Variants in CCDC7 observed in about 807,000 individuals in gnomAD.
The protein encoded by CCDC7 is coiled-coil domain-containing protein 7.
A neutral mutation model predicts 196.9 loss-of-function variants in CCDC7; 183 were observed. That is an observed-to-expected ratio of 0.93 (90% CI 0.82 to 1.05). The LOEUF (loss-of-function observed/expected upper bound fraction) is 1.05, where lower values mean the gene tolerates loss of function less well. Ranked by LOEUF, CCDC7 falls within the 50% of genes least tolerant of loss-of-function variation. The pLI is 0.00. For missense variants in CCDC7, 1,540 were observed against 1,482.2 expected, an observed-to-expected ratio of 1.04 and a Z score of -0.64; for synonymous variants, 525 against 484.6, an observed-to-expected ratio of 1.08 and a Z score of -1.10.
intron 41 of CCDC7, among the ~76,000 whole-genome samples, chr10:32,869,329 G>A (rs2094335060): frequency 6.6e-6 from 1 of 152,090 alleles, no homozygotes; most frequent in African/African-American, 2.4e-5. Context: ...GTGATAATGA[G>A]CATTTTTTCA....
intron 28 of CCDC7, among the ~76,000 whole-genome samples, chr10:32,773,106 T>C (rs1360244751): frequency 1.3e-5 from 2 of 152,226 alleles, no homozygotes; most frequent in Non-Finnish European, 2.9e-5. Context: ...ACTTTTAATA[T>C]TCTGTCCTTA....
chr10:32,540,002 C>T (rs1440766179), intron 11 of CCDC7, among the ~76,000 whole-genome samples: 1 of 151,948 alleles, frequency 6.6e-6, no homozygotes, highest in Admixed American at 6.6e-5. Context: ...TGGGTGGAGA[C>T]TTGTGTAGTG....
intron 8 of CCDC7, among the ~76,000 whole-genome samples, chr10:32,482,831 TC>T (rs1484172816): frequency 6.6e-6 from 1 of 152,202 alleles, no homozygotes; most frequent in Non-Finnish European, 1.5e-5. Context: ...CATGAACTCA[TC>T]CTTTTTTATG....
chr10:32,632,349 G>T (rs768255061), intron 18 of CCDC7, among the ~76,000 whole-genome samples: 55 of 151,758 alleles, frequency 3.6e-4, no homozygotes, highest in Non-Finnish European at 5.4e-4. Flanking sequence ...CTATTGAGAT[G>T]ATTATAAAGG....
intron 11 of CCDC7, among the ~76,000 whole-genome samples, chr10:32,535,742 C>T (rs2050378484): frequency 6.6e-6 from 1 of 152,134 alleles, no homozygotes; most frequent in Non-Finnish European, 1.5e-5. Context: ...CTCAGCTAAT[C>T]TCTTCAAGGT....
intron 28 of CCDC7, among the ~76,000 whole-genome samples, chr10:32,760,597 G>C (rs944675728): frequency 1.3e-4 from 20 of 152,068 alleles, no homozygotes; most frequent in Admixed American, 2.0e-4. Context: ...GCCTGTTGTG[G>C]GGTGGGAGGA....
intron 11 of CCDC7, among the ~76,000 whole-genome samples, chr10:32,537,799 T>C (rs2050766283): frequency 6.6e-6 from 1 of 152,110 alleles, no homozygotes; most frequent in East Asian, 1.9e-4. Flanking sequence ...GATCAGATAG[T>C]TTTAGGTGTG....
intron 21 of CCDC7, among the ~76,000 whole-genome samples, chr10:32,666,890 C>A (rs1277053341): frequency 1.3e-5 from 2 of 152,082 alleles, no homozygotes; most frequent in Non-Finnish European, 2.9e-5. Context: ...GGTATATACC[C>A]AGTAATGGGA....
intron 20 of CCDC7, among the ~76,000 whole-genome samples, chr10:32,643,084 T>A (rs532846179): frequency 1.4e-4 from 22 of 152,326 alleles, no homozygotes; most frequent in Middle Eastern, 3.4e-3. Context: ...AATTTTTTGT[T>A]AGTTCTGACA....
intron 21 of CCDC7, among the ~76,000 whole-genome samples, chr10:32,673,626 T>G (rs1428574256): frequency 1.6e-5 from 2 of 123,480 alleles, no homozygotes; most frequent in Non-Finnish European, 3.3e-5. Context: ...GTACCTTTAC[T>G]GAATTTATTA....
chr10:32,713,231 G>T (rs1368678133), intron 25 of CCDC7, among the ~76,000 whole-genome samples: 1 of 152,246 alleles, frequency 6.6e-6, no homozygotes, highest in Non-Finnish European at 1.5e-5. Context: ...TGTTTGTGGT[G>T]ACCTCAGATT....
At chr10:32,711,769 G>A in intron 25 of CCDC7, 39 bp downstream of exon 26, 3 of 1,269,918 alleles carry the variant, frequency 2.4e-6, no homozygotes, top group South Asian at 1.5e-5. Context: ...ATTATTTTAA[G>A]TAAATCTCAA....
rs542397211 is a variant in CCDC7 at position 32,779,196 on chromosome 10, C to G, written c.3013+112C>G. On this transcript the variant is annotated intron_variant, in intron 29 of 41. Transcript: ENST00000639629. ...AATTCAAAGAAGGAGTAGTCTTTCTCAACTTAAGTTCATTCTACTCAATCA... is the reference window on the plus strand; with the variant it reads ...AATTCAAAGAAGGAGTAGTCTTTCTGAACTTAAGTTCATTCTACTCAATCA... 9.3e-5 allele frequency: 71 copies of G among 762,772 alleles called. No individual in the cohort carries two copies. In the African/African-American group the frequency reaches 1.1e-3, roughly 11 times the overall value. 47.3% of individuals were successfully genotyped at this position (762,772 alleles called of 1,614,324 possible). A position where few individuals can be genotyped will look rare whatever the true frequency, so the allele number is the denominator to read the frequency against.
chr10:32,561,805 C>T (rs2055711428), intron 13 of CCDC7, among the ~76,000 whole-genome samples: 1 of 152,060 alleles, frequency 6.6e-6, no homozygotes, highest in Non-Finnish European at 1.5e-5. Context: ...AAAATCAGAG[C>T]AGAACTGAAG....
chr10:32,647,379 C>A (rs981808224), intron 20 of CCDC7, among the ~76,000 whole-genome samples: 1 of 150,884 alleles, frequency 6.6e-6, no homozygotes, highest in African/African-American at 2.4e-5. Context: ...TGTAGAAGCA[C>A]GTACCTGTAA....
chr10:32,466,745 T>A (rs1397202865), intron 5 of CCDC7, among the ~76,000 whole-genome samples: 1 of 152,178 alleles, frequency 6.6e-6, no homozygotes, highest in Non-Finnish European at 1.5e-5. Flanking sequence ...CACATGTACG[T>A]GTCTTTATGA....
At chr10:32,675,388 A>G (rs1185066103) in intron 21 of CCDC7, among the ~76,000 whole-genome samples, 1 of 148,864 alleles carries the variant, frequency 6.7e-6, no homozygotes, top group Non-Finnish European at 1.5e-5. Context: ...CTTAACTTCA[A>G]TTGTATACAA....
chr10:32,638,345 C>T, intron 20 of CCDC7, among the ~76,000 whole-genome samples: 1 of 152,156 alleles, frequency 6.6e-6, no homozygotes, highest in East Asian at 1.9e-4. Context: ...TTTGCCCATT[C>T]AGTATGATAT....
intron 13 of CCDC7, among the ~76,000 whole-genome samples, chr10:32,548,440 G>A (rs1000832665): frequency 8.5e-5 from 13 of 152,304 alleles, no homozygotes; most frequent in African/African-American, 2.9e-4. Context: ...GGAAACATAT[G>A]TGAACTACTG....
Sources: gnomAD v4.1 joint callset for allele counts (sites outside exome capture counted in the v4.1 genomes callset) on GRCh38, gnomAD v4.1.1 for gene constraint, MANE v1.5 for transcripts, NCBI Gene and HGNC (gene_info 2026-07-23, HGNC 2026-07-21) for gene names.